The following TAPT1 variants were observed in gnomAD, a reference collection of about 807,000 sequenced individuals.
TAPT1 encodes transmembrane anterior posterior transformation 1.
A neutral mutation model predicts 65.6 loss-of-function variants in TAPT1; 28 were observed. The observed-to-expected ratio is 0.43, with a 90% CI of 0.32 to 0.59. The LOEUF is 0.59. Ranked by LOEUF, TAPT1 falls within the 20% of genes least tolerant of loss-of-function variation. The pLI, the probability that TAPT1 is intolerant of heterozygous loss-of-function variation, is 0.09. For synonymous variants in TAPT1, 278 were observed against 245.2 expected (o/e 1.13, Z -1.25); for missense variants, 563 against 679.9 (o/e 0.83, Z 1.91).
intron 12 of TAPT1, among the ~76,000 whole-genome samples, chr4:16,168,134 G>T (rs1347925120): frequency 2.2e-5 from 3 of 137,998 alleles, no homozygotes; most frequent in Admixed American, 7.1e-5. Flanking sequence ...TTTTTTTTAA[G>T]AAGCAGTCTT....
upstream of TAPT1, chr4:16,227,160 T>G (rs1469844348): frequency 4.4e-6 from 2 of 455,900 alleles, no homozygotes; most frequent in Non-Finnish European, 8.8e-6. Context: ...AGAAGGAGCT[T>G]GGGCAGCTTC....
At chr4:16,223,699 T>C (rs1474667234) in intron 1 of TAPT1, among the ~76,000 whole-genome samples, 2 of 152,190 alleles carry the variant, frequency 1.3e-5, no homozygotes, top group African/African-American at 2.4e-5. Flanking sequence ...TAATACAATA[T>C]AGAGCATATA....
intron 8 of TAPT1, among the ~76,000 whole-genome samples, chr4:16,178,298 G>GA (rs1277657102): frequency 2.0e-5 from 3 of 152,066 alleles, no homozygotes; most frequent in Non-Finnish European, 4.4e-5. Flanking sequence ...GTTTCTCTAT[G>GA]AAAAAAACTT....
chr4:16,166,785 G>A lies in TAPT1; in HGVS notation c.1322C>T (p.Ser441Phe), dbSNP rs935776529. The A allele has an allele frequency of 3.7e-6, 6 of 1,613,600 alleles. No homozygotes were observed. Among genetic ancestry groups the A allele is most frequent in the Non-Finnish European group, 3.4e-6 (4 of 1,179,634 alleles). The stretch of plus-strand genomic sequence containing the variant: ...CACGATGCTATTAAGTACTTTCAGG[G>A]ATATCAACCTAAAAACAGAAACAAA... ...CVILFYFGLI[S>F]LKVLNSIVLL... The change falls in exon 13 of 14, where the codon TCC (serine) becomes TTC (phenylalanine). Residue 441 changes from serine (S) to phenylalanine (F), a missense_variant. By Grantham distance (155) the Ser-to-Phe change is radical (BLOSUM62 -2). Coordinates refer to ENST00000405303, the MANE Select transcript of TAPT1 (RefSeq NM_153365.3).
At chr4:16,179,554 C>G in intron 8 of TAPT1, 23 bp downstream of exon 8, 1 of 1,409,930 alleles carries the variant, frequency 7.1e-7, no homozygotes, top group Non-Finnish European at 9.6e-7. Flanking sequence ...TTATAAGACA[C>G]TGTTTTGTTA....
At chr4:16,164,986 C>T (rs1747500770) in intron 13 of TAPT1, among the ~76,000 whole-genome samples, 1 of 152,194 alleles carries the variant, frequency 6.6e-6, no homozygotes, top group Non-Finnish European at 1.5e-5. Context: ...CTTTCTGAAG[C>T]ACACTCCACA....
intron 13 of TAPT1, among the ~76,000 whole-genome samples, chr4:16,163,952 A>G (rs1747418255): frequency 6.6e-6 from 1 of 152,194 alleles, no homozygotes; most frequent in African/African-American, 2.4e-5. Flanking sequence ...ATCTGTAGTC[A>G]CTTCAGCTAC....
Position 16,162,917 on chromosome 4 carries a change from G to C in TAPT1, c.*391C>G. 2.3e-6 allele frequency: 1 copy of C among 433,722 alleles called. No homozygotes were observed. The highest frequency in any genetic ancestry group is 4.8e-6 in the Non-Finnish European group (1 of 209,594). The allele number at this position is 433,722 out of a possible 1,614,324, so 26.9% of individuals were successfully genotyped here. On this transcript the variant is annotated 3_prime_UTR_variant, in exon 14 of 14. Transcript: ENST00000405303. ...ATGAGACTGGAAAGATTACGTCGTG[G>C]TAAAAGTTTCACAGTTTTCCAGGTA... is the stretch of plus-strand genomic sequence containing the variant.
chr4:16,172,368 A>C (rs965287440), intron 11 of TAPT1, among the ~76,000 whole-genome samples: 2 of 152,110 alleles, frequency 1.3e-5, no homozygotes, highest in Admixed American at 1.3e-4. Flanking sequence ...AAAAAAAAAA[A>C]ATTCAGGCCT....
chr4:16,168,126 T>C (rs1242828052), intron 12 of TAPT1, among the ~76,000 whole-genome samples: 1 of 151,866 alleles, frequency 6.6e-6, no homozygotes, highest in Non-Finnish European at 1.5e-5. Flanking sequence ...TTTTCTTTTT[T>C]TTTTTAAGAA....
chr4:16,195,481 T>C (rs148041802), intron 3 of TAPT1, among the ~76,000 whole-genome samples: 1,978 of 152,342 alleles, frequency 0.013, 18 homozygotes, highest in Non-Finnish European at 0.021. Context: ...TGGGTGTATG[T>C]CATCACACAA....
chr4:16,197,027 T>A (rs1406779549), intron 3 of TAPT1, among the ~76,000 whole-genome samples: 1 of 152,078 alleles, frequency 6.6e-6, no homozygotes, highest in African/African-American at 2.4e-5. Flanking sequence ...TTATAACATA[T>A]AGGTGAGGTT....
intron 3 of TAPT1, among the ~76,000 whole-genome samples, chr4:16,200,570 C>G (rs1011238232): frequency 9.9e-5 from 15 of 152,234 alleles, no homozygotes; most frequent in Non-Finnish European, 1.5e-4. Flanking sequence ...TAGCGATCCT[C>G]CTACCTTGGC....
At chr4:16,165,586 AT>A (rs1315377135) in intron 13 of TAPT1, among the ~76,000 whole-genome samples, 1 of 150,144 alleles carries the variant, frequency 6.7e-6, no homozygotes, top group African/African-American at 2.5e-5. Context: ...AAAAAAAAAA[AT>A]ACATCATTTA....
intron 1 of TAPT1, chr4:16,214,653 G>C (rs71603315): frequency 6.6e-6 from 1 of 152,200 alleles, no homozygotes; most frequent in Non-Finnish European, 1.5e-5. Context: ...GAAGGCTCTG[G>C]ATGCTCGACC....
rs867573844 is a variant in TAPT1 at position 16,201,469 on chromosome 4, G to A, written c.449+993C>T. ...TTTTAGAACTTTTCCAGCATGAAAT[G>A]TATGTAGAAAAGTGATGCATGTCAG... On this transcript the variant is annotated intron_variant, in intron 3 of 13. Coordinates refer to ENST00000405303, the MANE Select transcript of TAPT1 (RefSeq NM_153365.3). Among the ~76,000 whole-genome samples the A allele has an allele frequency of 3.1e-4, 47 of 152,284 alleles. 1 individual carries two copies. Among genetic ancestry groups the A allele is most frequent in the Middle Eastern group, 6.8e-3 (2 of 294 alleles).
chr4:16,187,303 C>T (rs112095293), intron 5 of TAPT1, among the ~76,000 whole-genome samples: 3,100 of 152,182 alleles, frequency 0.02, 55 homozygotes, highest in Middle Eastern at 0.048. Flanking sequence ...AAAGAAAGCA[C>T]AAAATATAAT....
In TAPT1 at chr4:16,174,713, C is replaced by G; in HGVS notation, c.1124G>C (p.Arg375Thr). 6.3e-7 allele frequency: 1 copy of G among 1,589,306 alleles called. No individual in the cohort carries two copies. Among genetic ancestry groups the G allele is most frequent in the Non-Finnish European group, 8.6e-7 (1 of 1,167,220 alleles). The change falls in exon 10 of 14, where the codon AGA becomes ACA. Residue 375 changes from arginine to threonine, a missense_variant. By Grantham distance (71) the Arg-to-Thr change is moderately conservative. Transcript: ENST00000405303. ...DITADVYSEY[R>T]ASLAFDLVSS... Reference sequence around the variant, plus strand: ...AACAAGGTCAAAAGCAAGACTGGCTCTATATTCACTGTAGACCTAAAAACA... The same window carrying G: ...AACAAGGTCAAAAGCAAGACTGGCTGTATATTCACTGTAGACCTAAAAACA...
At chr4:16,180,011 G>GA (rs1436597375) in intron 7 of TAPT1, among the ~76,000 whole-genome samples, 1 of 151,998 alleles carries the variant, frequency 6.6e-6, no homozygotes, top group Non-Finnish European at 1.5e-5. Context: ...TTTTACGGAA[G>GA]AAAAAATAGA....
Sources: gnomAD v4.1 joint callset for allele counts (sites outside exome capture counted in the v4.1 genomes callset) on GRCh38, gnomAD v4.1.1 for gene constraint, MANE v1.5 for transcripts, NCBI Gene and HGNC (gene_info 2026-07-23, HGNC 2026-07-21) for gene names.